The following CNTLN variants were observed in gnomAD, a reference collection of about 807,000 sequenced individuals.
The protein encoded by CNTLN is centlein, centrosomal protein.
CNTLN carries 212 observed loss-of-function variants against 180.0 expected under a neutral mutation model. The ratio of observed to expected loss-of-function variants is 1.18; its 90% CI spans 1.05 to 1.32. The LOEUF is 1.32. Ranked by LOEUF, CNTLN falls within the 40% of genes most tolerant of loss-of-function variation. The probability of loss-of-function intolerance (pLI) is 0.00; values close to 1 mark genes in which losing one functional copy is unlikely to be tolerated. For missense variants in CNTLN, 2,095 were observed against 1,610.9 expected, an observed-to-expected ratio of 1.30 and a Z score of -5.14; for synonymous variants, 722 against 563.1, an observed-to-expected ratio of 1.28 and a Z score of -3.99.
chr9:17,429,201 G>A (rs1378984841), intron 18 of CNTLN, among the ~76,000 whole-genome samples: 1 of 152,002 alleles, frequency 6.6e-6, no homozygotes, highest in Non-Finnish European at 1.5e-5. Context: ...ATTCATAGTA[G>A]CAACACCCTA....
intron 18 of CNTLN, among the ~76,000 whole-genome samples, chr9:17,417,835 A>G (rs1028166849): frequency 7.9e-5 from 12 of 151,970 alleles, no homozygotes; most frequent in African/African-American, 2.7e-4. Context: ...TTGAGGTGCC[A>G]TACTTGGTAG....
intron 18 of CNTLN, among the ~76,000 whole-genome samples, chr9:17,435,716 A>G (rs1286120421): frequency 6.6e-6 from 1 of 152,028 alleles, no homozygotes; most frequent in Non-Finnish European, 1.5e-5. Context: ...GTGCATGCCA[A>G]CACGTCCGGC....
At chr9:17,360,287 C>G (rs1823264209) in intron 12 of CNTLN, among the ~76,000 whole-genome samples, 1 of 152,144 alleles carries the variant, frequency 6.6e-6, no homozygotes, top group Non-Finnish European at 1.5e-5. Context: ...TAGGTAGGGA[C>G]CACTGCAGTC....
At chr9:17,206,600 C>T (rs1312426218) in intron 2 of CNTLN, among the ~76,000 whole-genome samples, 1 of 152,156 alleles carries the variant, frequency 6.6e-6, no homozygotes, top group African/African-American at 2.4e-5. Flanking sequence ...ACTTTGCCTT[C>T]CCCATGTATC....
intron 5 of CNTLN, among the ~76,000 whole-genome samples, chr9:17,270,189 A>G (rs1259900286): frequency 1.3e-5 from 2 of 152,078 alleles, no homozygotes; most frequent in Non-Finnish European, 2.9e-5. Flanking sequence ...TTAATATAAA[A>G]CCAGTTTGTT....
At chr9:17,409,246 A>G in intron 15 of CNTLN, 47 bp from the exon 16 acceptor site, 9 of 1,560,252 alleles carry the variant, frequency 5.8e-6, no homozygotes, top group Admixed American at 1.9e-5. Context: ...AAGTACATGT[A>G]ACAACTTTTA....
intron 12 of CNTLN, among the ~76,000 whole-genome samples, chr9:17,351,743 A>G (rs889685967): frequency 4.6e-5 from 7 of 152,104 alleles, no homozygotes; most frequent in African/African-American, 1.7e-4. Flanking sequence ...CTTCATATCT[A>G]TTTTCAACAG....
chr9:17,243,637 A>G (rs1386368682), intron 5 of CNTLN, among the ~76,000 whole-genome samples: 1 of 152,040 alleles, frequency 6.6e-6, no homozygotes, highest in African/African-American at 2.4e-5. Flanking sequence ...TTTTCTTGTT[A>G]CTTATTTCTA....
intron 2 of CNTLN, among the ~76,000 whole-genome samples, chr9:17,195,274 G>A (rs1369507347): frequency 1.3e-5 from 2 of 152,206 alleles, no homozygotes; most frequent in African/African-American, 4.8e-5. Flanking sequence ...GTCGGTTTGA[G>A]AGGTCATACT....
chr9:17,225,319 C>T (rs1245769523), intron 2 of CNTLN, among the ~76,000 whole-genome samples: 2 of 152,012 alleles, frequency 1.3e-5, no homozygotes, highest in African/African-American at 2.4e-5. Flanking sequence ...AAGTCAAGCT[C>T]CTTTCCACCT....
At chr9:17,192,139 T>C (rs1287903098) in intron 2 of CNTLN, among the ~76,000 whole-genome samples, 1 of 152,168 alleles carries the variant, frequency 6.6e-6, no homozygotes, top group Non-Finnish European at 1.5e-5. Flanking sequence ...AATTAATGGC[T>C]AATAATATAT....
At chr9:17,136,619 T>G (rs1311296811) in intron 1 of CNTLN, among the ~76,000 whole-genome samples, 1 of 152,206 alleles carries the variant, frequency 6.6e-6, no homozygotes, top group Non-Finnish European at 1.5e-5. Flanking sequence ...ATTCATTCTC[T>G]CATAGTTTGT....
At chr9:17,218,442 A>G (rs1343218888) in intron 2 of CNTLN, among the ~76,000 whole-genome samples, 2 of 152,102 alleles carry the variant, frequency 1.3e-5, no homozygotes, top group Admixed American at 1.3e-4. Flanking sequence ...TTGTTTATAG[A>G]TGCCATTCCA....
chr9:17,150,889 G>A (rs1477402287), intron 2 of CNTLN, among the ~76,000 whole-genome samples: 2 of 152,092 alleles, frequency 1.3e-5, no homozygotes, highest in Non-Finnish European at 2.9e-5. Flanking sequence ...TGTATTCCTA[G>A]GTATTTTATT....
At chr9:17,375,472 C>T (rs1824683483) in intron 13 of CNTLN, among the ~76,000 whole-genome samples, 1 of 152,122 alleles carries the variant, frequency 6.6e-6, no homozygotes, top group South Asian at 2.1e-4. Flanking sequence ...TATGCATTGC[C>T]TGTGTATCAC....
At chr9:17,450,203 T>G (rs1830702861) in intron 18 of CNTLN, among the ~76,000 whole-genome samples, 1 of 152,208 alleles carries the variant, frequency 6.6e-6, no homozygotes, top group African/African-American at 2.4e-5. Flanking sequence ...TTGTAAACCA[T>G]ATTTAGTATG....
At chr9:17,294,253 A>T (rs774149830) in intron 6 of CNTLN, among the ~76,000 whole-genome samples, 35 of 152,164 alleles carry the variant, frequency 2.3e-4, no homozygotes, top group Non-Finnish European at 4.7e-4. Flanking sequence ...GGGGGTTGCC[A>T]CTGCTGGCTC....
chr9:17,335,149 C>A (rs1252646477), intron 10 of CNTLN, among the ~76,000 whole-genome samples: 2 of 152,168 alleles, frequency 1.3e-5, no homozygotes, highest in Non-Finnish European at 1.5e-5. Flanking sequence ...TAAATGACAT[C>A]CATCCATATT....
In CNTLN at chr9:17,332,608, C is replaced by G. The variant is rs531199258; in HGVS notation, c.1522C>G (p.Pro508Ala). 5 of 1,603,048 alleles carry G rather than the reference C, an allele frequency of 3.1e-6. No individual in the cohort carries two copies. The Admixed American group carries it at 5.1e-5, about 16-fold the overall frequency. Residue 508 changes from proline to alanine, a missense_variant, in exon 10 of 26, where the codon CCA becomes GCA. Physicochemically the swap from Pro to Ala is conservative, Grantham distance 27. Transcript: ENST00000380647. ...MTSAEGKHKEPPVKRSRSLSP... is the reference protein window; with the variant it reads ...MTSAEGKHKEAPVKRSRSLSP... ...ATGTCCTTGTTTTATTCTCGAGGAA[C>G]CACCTGTGAAACGTTCAAGGTCTTT... is the stretch of plus-strand genomic sequence containing the variant.
Sources: allele counts gnomAD v4.1 joint callset (sites outside exome capture counted in the v4.1 genomes callset), GRCh38; gene constraint gnomAD v4.1.1; transcripts MANE v1.5; gene names NCBI Gene and HGNC (gene_info 2026-07-23, HGNC 2026-07-21).